NRXN3: variants seen among roughly 807,000 people sequenced by gnomAD.
NRXN3 encodes the protein neurexin III.
A neutral mutation model predicts 137.6 loss-of-function variants in NRXN3; 32 were observed. The observed-to-expected ratio is 0.23, with a 90% CI of 0.18 to 0.31. The LOEUF is 0.31. Among genes scored for constraint, NRXN3 ranks in the 10% least tolerant of loss-of-function variants. The pLI is 1.00. For missense variants in NRXN3, 1,574 were observed against 2,062.5 expected, an observed-to-expected ratio of 0.76 and a Z score of 4.59; for synonymous variants, 798 against 784.5, an observed-to-expected ratio of 1.02 and a Z score of -0.29.
At chr14:79,573,542 A>G (rs2097633436) in intron 16 of NRXN3, among the ~76,000 whole-genome samples, 1 of 152,036 alleles carries the variant, frequency 6.6e-6, no homozygotes, top group Admixed American at 6.6e-5. Context: ...GGAAGGCCAT[A>G]TCCAGCCTGA....
chr14:78,359,397 G>A (rs1486769405), intron 4 of NRXN3, among the ~76,000 whole-genome samples: 1 of 152,176 alleles, frequency 6.6e-6, no homozygotes, highest in Non-Finnish European at 1.5e-5. Flanking sequence ...TGCAGTCACA[G>A]AGGGCCCCGT....
At chr14:79,272,955 G>A (rs1213327603) in intron 15 of NRXN3, among the ~76,000 whole-genome samples, 1 of 151,972 alleles carries the variant, frequency 6.6e-6, no homozygotes, top group African/African-American at 2.4e-5. Flanking sequence ...AGCGGATCAC[G>A]AGGTCAGGAG....
chr14:79,134,366 C>T (rs986383121), intron 15 of NRXN3, among the ~76,000 whole-genome samples: 2 of 152,140 alleles, frequency 1.3e-5, no homozygotes, highest in African/African-American at 4.8e-5. Context: ...AATTAGGAAA[C>T]TTGAACGAAG....
intron 16 of NRXN3, among the ~76,000 whole-genome samples, chr14:79,564,535 C>A (rs1258355066): frequency 6.6e-6 from 1 of 152,160 alleles, no homozygotes; most frequent in Admixed American, 6.6e-5. Flanking sequence ...TTCATTGTCC[C>A]GCACACTTTA....
intron 16 of NRXN3, among the ~76,000 whole-genome samples, chr14:79,478,988 A>C (rs2096583492): frequency 6.6e-6 from 1 of 152,088 alleles, no homozygotes; most frequent in Non-Finnish European, 1.5e-5. Flanking sequence ...GGCAATTCGG[A>C]TTTAAATCAT....
chr14:78,385,371 A>G (rs2089809098), intron 4 of NRXN3, among the ~76,000 whole-genome samples: 1 of 151,904 alleles, frequency 6.6e-6, no homozygotes, highest in Non-Finnish European at 1.5e-5. Flanking sequence ...AATTATGAAA[A>G]GTGAACACAT....
At chr14:78,677,735 T>G (rs1246436127) in intron 6 of NRXN3, among the ~76,000 whole-genome samples, 1 of 152,184 alleles carries the variant, frequency 6.6e-6, no homozygotes, top group Non-Finnish European at 1.5e-5. Flanking sequence ...AGAAATCTTT[T>G]GTGAAAGGAA....
intron 4 of NRXN3, among the ~76,000 whole-genome samples, chr14:78,379,929 A>G (rs770063498): frequency 1.3e-5 from 2 of 152,206 alleles, no homozygotes; most frequent in Non-Finnish European, 2.9e-5. Flanking sequence ...GAACAATTGT[A>G]TTTCTATGTA....
intron 15 of NRXN3, among the ~76,000 whole-genome samples, chr14:79,156,950 C>A (rs1317007738): frequency 1.3e-5 from 2 of 151,742 alleles, no homozygotes; most frequent in Non-Finnish European, 2.9e-5. Flanking sequence ...CCACTAAATG[C>A]CCAGAGCATC....
At chr14:78,548,683 C>T (rs2096658849) in intron 4 of NRXN3, among the ~76,000 whole-genome samples, 1 of 152,184 alleles carries the variant, frequency 6.6e-6, no homozygotes, top group African/African-American at 2.4e-5. Context: ...GTCCCCTGCA[C>T]ACGTTTTGCA....
intron 1 of NRXN3, among the ~76,000 whole-genome samples, chr14:78,190,224 T>A (rs992580497): frequency 6.6e-6 from 1 of 152,362 alleles, no homozygotes; most frequent in Middle Eastern, 3.4e-3. Context: ...CTCACCCTCC[T>A]ATCCTCAGTT....
chr14:79,145,173 T>G (rs1162974948), intron 15 of NRXN3, among the ~76,000 whole-genome samples: 1 of 152,170 alleles, frequency 6.6e-6, no homozygotes, highest in Non-Finnish European at 1.5e-5. Context: ...TTGAGATACA[T>G]AAGGCAACCA....
At chr14:79,667,297 C>T (rs1019136943) in intron 17 of NRXN3, among the ~76,000 whole-genome samples, 4 of 151,998 alleles carry the variant, frequency 2.6e-5, no homozygotes, top group Non-Finnish European at 5.9e-5. Context: ...TCACTACTCA[C>T]TTATTACTAA....
intron 4 of NRXN3, among the ~76,000 whole-genome samples, chr14:78,598,305 T>C (rs2097174661): frequency 6.6e-6 from 1 of 151,838 alleles, no homozygotes; most frequent in Non-Finnish European, 1.5e-5. Flanking sequence ...CAAGGGTTCC[T>C]GGGACACTGA....
intron 4 of NRXN3, among the ~76,000 whole-genome samples, chr14:78,529,451 T>C (rs932528097): frequency 6.6e-6 from 1 of 152,130 alleles, no homozygotes; most frequent in Non-Finnish European, 1.5e-5. Context: ...AGAGAAGCAA[T>C]GTCTTTTCTT....
At chr14:79,406,406 A>T (rs1333274518) in intron 15 of NRXN3, among the ~76,000 whole-genome samples, 1 of 151,864 alleles carries the variant, frequency 6.6e-6, no homozygotes, top group African/African-American at 2.4e-5. Context: ...CTGGGCTCAG[A>T]TCCTTCCACC....
At chr14:78,224,016 A>G (rs1427357488) in intron 1 of NRXN3, among the ~76,000 whole-genome samples, 2 of 151,952 alleles carry the variant, frequency 1.3e-5, no homozygotes, top group African/African-American at 4.8e-5. Flanking sequence ...AGCCGTGGCC[A>G]CCTTATTAGT....
At chr14:78,369,804 T>C (rs979560567) in intron 4 of NRXN3, among the ~76,000 whole-genome samples, 1 of 151,970 alleles carries the variant, frequency 6.6e-6, no homozygotes, top group Non-Finnish European at 1.5e-5. Flanking sequence ...GTAATGAGAC[T>C]GGGTCAAAGA....
chr14:79,820,909 G>A (rs2099270029), intron 20 of NRXN3, among the ~76,000 whole-genome samples: 1 of 152,072 alleles, frequency 6.6e-6, no homozygotes, highest in Non-Finnish European at 1.5e-5. Flanking sequence ...GGGTGGCCAG[G>A]GTGCTTAGTG....
Sources: allele counts gnomAD v4.1 joint callset (sites outside exome capture counted in the v4.1 genomes callset), GRCh38; gene constraint gnomAD v4.1.1; transcripts MANE v1.5; gene names NCBI Gene and HGNC (gene_info 2026-07-23, HGNC 2026-07-21).